The following CNTNAP2 variants were observed in gnomAD, a reference collection of about 807,000 sequenced individuals.
CNTNAP2 encodes the protein contactin-associated protein-like 2.
A neutral mutation model predicts 155.2 loss-of-function variants in CNTNAP2; 98 were observed. The ratio of observed to expected loss-of-function variants is 0.63; its 90% CI spans 0.54 to 0.75. The LOEUF (loss-of-function observed/expected upper bound fraction) is 0.75. Among genes scored for constraint, CNTNAP2 ranks in the 30% least tolerant of loss-of-function variants. The pLI, the probability that CNTNAP2 is intolerant of heterozygous loss-of-function variation, is 0.00. For synonymous variants in CNTNAP2, 651 were observed against 631.2 expected (o/e 1.03, Z -0.47); for missense variants, 1,727 against 1,688.1 (o/e 1.02, Z -0.40).
intron 22 of CNTNAP2, among the ~76,000 whole-genome samples, chr7:148,408,245 T>C (rs763152623): frequency 6.6e-6 from 1 of 151,800 alleles, no homozygotes; most frequent in Non-Finnish European, 1.5e-5. Context: ...TGAGACCCTT[T>C]CCCCACACTG....
chr7:146,672,415 A>C (rs553977190), intron 1 of CNTNAP2, among the ~76,000 whole-genome samples: 2 of 152,302 alleles, frequency 1.3e-5, no homozygotes, highest in South Asian at 4.1e-4. Context: ...GGGAGCTTTA[A>C]AATTTCTTAA....
rs572529027 is a variant in CNTNAP2, at chr7:146,396,434, C to G, written c.97+279461C>G. On this transcript the variant is annotated intron_variant, in intron 1 of 23. Transcript: ENST00000361727. ...GGTTTTTATTTTATTATTTCAATTA[C>G]TGTTACTAAATTATTAATTCTAGGT... is the stretch of plus-strand genomic sequence containing the variant. 1.1e-4 allele frequency among the ~76,000 whole-genome samples: 17 copies of G among 151,910 alleles called. No individual in the cohort carries two copies. In the South Asian group the frequency reaches 3.5e-3, roughly 32 times the overall value.
At chr7:148,176,675 C>T (rs977417615) in intron 18 of CNTNAP2, among the ~76,000 whole-genome samples, 2 of 152,202 alleles carry the variant, frequency 1.3e-5, no homozygotes, top group African/African-American at 4.8e-5. Context: ...ACAACTAGAC[C>T]ATGCAGGCAG....
intron 9 of CNTNAP2, among the ~76,000 whole-genome samples, chr7:147,317,856 C>A (rs1243504390): frequency 1.4e-5 from 2 of 140,436 alleles, no homozygotes; most frequent in East Asian, 2.1e-4. Context: ...CTTTTTTTTC[C>A]TTGGCTTCTC....
chr7:146,340,426 A>G (rs7805444), intron 1 of CNTNAP2, among the ~76,000 whole-genome samples: 35,102 of 151,404 alleles, frequency 0.23, 8,510 homozygotes, highest in African/African-American at 0.62. Context: ...CCTTATTCTT[A>G]TAATGAAAGA....
chr7:147,802,912 G>GA (rs922540725), intron 13 of CNTNAP2, among the ~76,000 whole-genome samples: 1 of 151,696 alleles, frequency 6.6e-6, no homozygotes, highest in Non-Finnish European at 1.5e-5. Flanking sequence ...ACTTCAGATA[G>GA]AAAAAATAAC....
At chr7:147,108,470 C>A in intron 5 of CNTNAP2, 120 bp downstream of exon 5, 1 of 862,114 alleles carries the variant, frequency 1.2e-6, no homozygotes. Context: ...TATTTCAATT[C>A]ATACTTAATC....
chr7:146,541,697 G>C (rs1321719481), intron 1 of CNTNAP2, among the ~76,000 whole-genome samples: 1 of 151,872 alleles, frequency 6.6e-6, no homozygotes, highest in Non-Finnish European at 1.5e-5. Flanking sequence ...TATATCCAGG[G>C]AAGATGCTGC....
chr7:146,489,833 G>T (rs1468416659), intron 1 of CNTNAP2, among the ~76,000 whole-genome samples: 1 of 142,756 alleles, frequency 7.0e-6, no homozygotes, highest in African/African-American at 2.9e-5. Flanking sequence ...CTTTCTCAGT[G>T]TGGCTGAGTT....
chr7:146,637,417 C>T (rs1311878004), intron 1 of CNTNAP2, among the ~76,000 whole-genome samples: 1 of 152,114 alleles, frequency 6.6e-6, no homozygotes, highest in Non-Finnish European at 1.5e-5. Context: ...ACTTGCTTTG[C>T]TTTTTTCATT....
At chr7:146,122,260 C>T (rs1440372636) in intron 1 of CNTNAP2, among the ~76,000 whole-genome samples, 1 of 152,220 alleles carries the variant, frequency 6.6e-6, no homozygotes, top group Non-Finnish European at 1.5e-5. Context: ...GGCTTTGCCT[C>T]TGCACTAATA....
intron 1 of CNTNAP2, among the ~76,000 whole-genome samples, chr7:146,453,859 C>A (rs1796517031): frequency 6.6e-6 from 1 of 151,708 alleles, no homozygotes; most frequent in African/African-American, 2.4e-5. Flanking sequence ...AAAGGAAACA[C>A]AAAGAGAAAA....
At chr7:147,726,025 G>A (rs879843035) in intron 13 of CNTNAP2, among the ~76,000 whole-genome samples, 1 of 151,946 alleles carries the variant, frequency 6.6e-6, no homozygotes, top group Admixed American at 6.6e-5. Context: ...AGCAAATACT[G>A]CATGATTTCT....
intron 1 of CNTNAP2, among the ~76,000 whole-genome samples, chr7:146,699,199 A>G (rs574393813): frequency 6.6e-6 from 1 of 152,270 alleles, no homozygotes; most frequent in African/African-American, 2.4e-5. Context: ...GCATGAGGGA[A>G]AATAAAACAC....
chr7:148,010,808 C>T (rs1031800076), intron 15 of CNTNAP2, among the ~76,000 whole-genome samples: 2 of 152,002 alleles, frequency 1.3e-5, no homozygotes, highest in African/African-American at 4.8e-5. Flanking sequence ...AGTTTTTATA[C>T]ATGCAAGGGT....
intron 21 of CNTNAP2, among the ~76,000 whole-genome samples, chr7:148,288,133 A>G (rs1157284218): frequency 1.0e-5 from 1 of 98,948 alleles, no homozygotes; most frequent in Non-Finnish European, 2.0e-5. Flanking sequence ...ACAGTCTCAC[A>G]CTGTCGCCCG....
chr7:147,198,615 C>T (rs1241065799), intron 8 of CNTNAP2, among the ~76,000 whole-genome samples: 2 of 152,210 alleles, frequency 1.3e-5, no homozygotes, highest in Non-Finnish European at 2.9e-5. Flanking sequence ...TTTACCATCA[C>T]TGCTGTTTTG....
intron 1 of CNTNAP2, among the ~76,000 whole-genome samples, chr7:146,246,677 G>C (rs951726216): frequency 1.3e-5 from 2 of 150,766 alleles, no homozygotes; most frequent in African/African-American, 5.0e-5. Context: ...ATCTGGGAAG[G>C]AGTCAGAGAG....
chr7:146,969,860 A>G (rs374634935), intron 3 of CNTNAP2, among the ~76,000 whole-genome samples: 26 of 152,274 alleles, frequency 1.7e-4, no homozygotes, highest in African/African-American at 5.1e-4. Context: ...ACCAAAACAG[A>G]GATATAGATC....
Sources: allele counts gnomAD v4.1 joint callset (sites outside exome capture counted in the v4.1 genomes callset), GRCh38; gene constraint gnomAD v4.1.1; transcripts MANE v1.5; gene names NCBI Gene and HGNC (gene_info 2026-07-23, HGNC 2026-07-21).